Variants in TMEM232 observed in about 807,000 individuals in gnomAD.
The protein encoded by TMEM232 is transmembrane protein 232.
A neutral mutation model predicts 78.8 loss-of-function variants in TMEM232; 80 were observed. The ratio of observed to expected loss-of-function variants is 1.01; its 90% confidence interval spans 0.85 to 1.22. The LOEUF (loss-of-function observed/expected upper bound fraction) is 1.22, where lower values mean the gene tolerates loss of function less well. TMEM232 is among the 50% of genes most tolerant of loss of function. TMEM232 has a pLI of 0.00. For synonymous variants in TMEM232, 297 were observed against 254.3 expected (o/e 1.17, Z -1.60); for missense variants, 881 against 742.2 (o/e 1.19, Z -2.17).
chr5:110,516,775 C>A (rs1768729143), intron 12 of TMEM232, among the ~76,000 whole-genome samples: 1 of 152,042 alleles, frequency 6.6e-6, no homozygotes, highest in Admixed American at 6.5e-5. Flanking sequence ...AACATGTGTT[C>A]ATAGACAAAT....
chr5:110,670,576 C>T (rs1401312557), intron 1 of TMEM232, among the ~76,000 whole-genome samples: 1 of 152,072 alleles, frequency 6.6e-6, no homozygotes, highest in Non-Finnish European at 1.5e-5. Flanking sequence ...TTTATAGATT[C>T]AATGCTTCTA....
chr5:110,728,793 T>C (rs1443781643), upstream of TMEM232, among the ~76,000 whole-genome samples: 3 of 150,310 alleles, frequency 2.0e-5, no homozygotes, highest in Non-Finnish European at 4.4e-5. Context: ...AACCCCTTAG[T>C]ATGGCACAAT....
chr5:110,707,855 A>T (rs1040846557), intron 1 of TMEM232, among the ~76,000 whole-genome samples: 6 of 152,182 alleles, frequency 3.9e-5, no homozygotes, highest in Non-Finnish European at 7.3e-5. Flanking sequence ...GTGCAGAGTC[A>T]TGAGGCTCCT....
At chr5:110,733,809 C>A (rs1480442730) in intron 2 of TMEM232, among the ~76,000 whole-genome samples, 1 of 152,108 alleles carries the variant, frequency 6.6e-6, no homozygotes, top group Non-Finnish European at 1.5e-5. Flanking sequence ...CATAATAAAC[C>A]TGCACATGTA....
At chr5:110,654,878 G>A (rs1420329510) in intron 2 of TMEM232, among the ~76,000 whole-genome samples, 1 of 152,072 alleles carries the variant, frequency 6.6e-6, no homozygotes, top group East Asian at 1.9e-4. Flanking sequence ...CTTGTAAGTT[G>A]GATTCCTAAG....
chr5:110,486,535 G>C (rs1476746075), intron 12 of TMEM232, among the ~76,000 whole-genome samples: 2 of 152,060 alleles, frequency 1.3e-5, no homozygotes, highest in Non-Finnish European at 2.9e-5. Flanking sequence ...TCCTACATGT[G>C]GCTAAGCAAT....
chr5:110,388,894 G>A (rs1755077858), intron 4 of TMEM232, among the ~76,000 whole-genome samples: 2 of 152,150 alleles, frequency 1.3e-5, no homozygotes, highest in African/African-American at 4.8e-5. Context: ...TTTAGGCTGG[G>A]TACTTTCATG....
intron 2 of TMEM232, among the ~76,000 whole-genome samples, chr5:110,406,759 T>TA (rs1261757898): frequency 7.2e-5 from 11 of 152,162 alleles, no homozygotes; most frequent in African/African-American, 2.4e-4. Flanking sequence ...CAAAATATAT[T>TA]AAAAATATCA....
chr5:110,700,390 G>T (rs1018411163), intron 1 of TMEM232, among the ~76,000 whole-genome samples: 1 of 151,978 alleles, frequency 6.6e-6, no homozygotes, highest in African/African-American at 2.4e-5. Flanking sequence ...TTGGGATTGC[G>T]TACACACTTC....
intron 5 of TMEM232, among the ~76,000 whole-genome samples, chr5:110,632,127 G>C (rs947003585): frequency 6.6e-6 from 1 of 151,982 alleles, no homozygotes; most frequent in Non-Finnish European, 1.5e-5. Context: ...GGAAATCATA[G>C]ATACCACTGA....
At chr5:110,490,626 T>A (rs997623105) in intron 12 of TMEM232, among the ~76,000 whole-genome samples, 8 of 152,094 alleles carry the variant, frequency 5.3e-5, no homozygotes, top group African/African-American at 1.9e-4. Context: ...GGGACTGACA[T>A]AAGCATAGAG....
intron 11 of TMEM232, among the ~76,000 whole-genome samples, chr5:110,547,019 C>T (rs1773861658): frequency 6.6e-6 from 1 of 151,566 alleles, no homozygotes; most frequent in African/African-American, 2.4e-5. Flanking sequence ...TCAAGTTTTA[C>T]TTGTAAAATT....
At chr5:110,452,134 G>C (rs1267366297) in intron 12 of TMEM232, among the ~76,000 whole-genome samples, 1 of 152,002 alleles carries the variant, frequency 6.6e-6, no homozygotes, top group Non-Finnish European at 1.5e-5. Flanking sequence ...CTGTAGTAGA[G>C]TAACAATTGT....
rs536173350 is a variant in TMEM232 at position 110,582,265 on chromosome 5, TC to T, written c.1277-13641del. ...CAAAGACATGGAATCAACCTAGATG[TC>T]CATCAACAGTGAACTGGATAAAAAA... On this transcript the variant is annotated intron_variant, in intron 10 of 13. Transcript: ENST00000455884. Among the ~76,000 whole-genome samples, 461 of 152,000 alleles carry T rather than the reference TC, an allele frequency of 3.0e-3. 3 individuals are homozygous for T. Among genetic ancestry groups the T allele is most frequent in the African/African-American group, 0.011 (438 of 41,504 alleles).
chr5:110,484,749 T>C (rs1764277448), intron 12 of TMEM232, among the ~76,000 whole-genome samples: 1 of 152,080 alleles, frequency 6.6e-6, no homozygotes, highest in Admixed American at 6.6e-5. Flanking sequence ...AACTCGTCAA[T>C]ATAACAGCAA....
At chr5:110,630,282 T>C (rs576425509) in intron 5 of TMEM232, among the ~76,000 whole-genome samples, 3 of 152,260 alleles carry the variant, frequency 2.0e-5, no homozygotes, top group African/African-American at 7.2e-5. Flanking sequence ...ACTCATTCTC[T>C]CCAGAAAGAA....
chr5:110,514,244 T>C lies in TMEM232; in HGVS notation c.1703+14344A>G, dbSNP rs114109855. On this transcript the variant is annotated intron_variant, in intron 12 of 13. Transcript: ENST00000455884. ...ATGAATTGCTTTTTAATTAAATAAC[T>C]AGAAGCAGGAAGGGAAACATAAAAT... Among the ~76,000 whole-genome samples the C allele has an allele frequency of 6.7e-3, 1,016 of 152,194 alleles. 10 individuals carry two copies. Among genetic ancestry groups the C allele is most frequent in the African/African-American group, 0.023 (958 of 41,530 alleles).
intron 1 of TMEM232, chr5:110,684,977 C>T (rs918919530): frequency 4.6e-5 from 7 of 151,920 alleles, no homozygotes; most frequent in Non-Finnish European, 1.0e-4. Context: ...TATGTCTTAA[C>T]GAATTGCAAA....
chr5:110,670,350 A>C (rs1267289678), intron 1 of TMEM232, among the ~76,000 whole-genome samples: 2 of 152,232 alleles, frequency 1.3e-5, no homozygotes, highest in African/African-American at 4.8e-5. Flanking sequence ...AGACAAACAG[A>C]GAGCCAAATC....
Sources: gnomAD v4.1 joint callset for allele counts (sites outside exome capture counted in the v4.1 genomes callset) on GRCh38, gnomAD v4.1.1 for gene constraint, MANE v1.5 for transcripts, NCBI Gene and HGNC (gene_info 2026-07-23, HGNC 2026-07-21) for gene names.